CNDP1: variants seen among roughly 807,000 people sequenced by gnomAD.
CNDP1 encodes beta-Ala-His dipeptidase.
A neutral mutation model predicts 58.1 loss-of-function variants in CNDP1; 44 were observed. That is an observed-to-expected ratio of 0.76 (90% CI 0.60 to 0.97). The LOEUF (loss-of-function observed/expected upper bound fraction) is 0.97, where lower values mean the gene tolerates loss of function less well. Ranked by LOEUF, CNDP1 falls within the 50% of genes least tolerant of loss-of-function variation. CNDP1 has a pLI of 0.00. For synonymous variants in CNDP1, 254 were observed against 252.6 expected, an observed-to-expected ratio of 1.01 and a Z score of -0.05; for missense variants, 616 against 655.1, an observed-to-expected ratio of 0.94 and a Z score of 0.65.
intron 9 of CNDP1, among the ~76,000 whole-genome samples, chr18:74,579,178 C>CT (rs1981712704): frequency 3.6e-5 from 5 of 139,692 alleles, no homozygotes; most frequent in Middle Eastern, 3.6e-3. Context: ...TCCCTTCTCC[C>CT]TTCTCCCTTT....
chr18:74,559,606 T>C, intron 3 of CNDP1, 134 bp downstream of exon 3: 3 of 782,332 alleles, frequency 3.8e-6, no homozygotes, highest in South Asian at 2.0e-5. Flanking sequence ...CCAATGAAGA[T>C]GAAACATTCC....
intron 1 of CNDP1, among the ~76,000 whole-genome samples, chr18:74,543,825 C>A (rs1269858184): frequency 2.0e-5 from 3 of 152,094 alleles, no homozygotes; most frequent in Non-Finnish European, 4.4e-5. Flanking sequence ...TGGCTCACAC[C>A]TGTAATACTA....
chr18:74,549,277 C>A (rs1010740629), intron 1 of CNDP1, among the ~76,000 whole-genome samples: 7 of 152,160 alleles, frequency 4.6e-5, no homozygotes, highest in Admixed American at 2.0e-4. Context: ...TCCTAGAAAA[C>A]GTAGCATTCC....
rs10685765 is a variant in CNDP1, at chr18:74,535,580, C to CTTTTTT, written c.24+898_24+903dup. 6.6e-5 allele frequency among the ~76,000 whole-genome samples: 7 copies of CTTTTTT among 106,394 alleles called. 1 individual carries two copies. Among genetic ancestry groups the CTTTTTT allele is most frequent in the Non-Finnish European group, 1.1e-4 (6 of 54,934 alleles). 69.8% of individuals were successfully genotyped at this position (106,394 alleles called of 152,430 possible). A position where few individuals can be genotyped will look rare whatever the true frequency, so the allele number is the denominator to read the frequency against. On this transcript the variant is annotated intron_variant, in intron 1 of 11. Transcript: ENST00000358821. ...GTCTGGCCATGCTTTCCATTGCTGA[C>CTTTTTT]TTTTTTTTTTTTTTAAAGAACCCAT...
At chr18:74,541,254 G>A (rs1419467497) in intron 1 of CNDP1, among the ~76,000 whole-genome samples, 2 of 152,232 alleles carry the variant, frequency 1.3e-5, no homozygotes, top group Non-Finnish European at 2.9e-5. Flanking sequence ...GCACCGTTTA[G>A]CTGCCACAGG....
Position 74,562,116 on chromosome 18 carries a change from C to T in CNDP1, c.536C>T (p.Ala179Val), listed in dbSNP as rs1599095082. 2 of 1,614,056 alleles carry T rather than the reference C, an allele frequency of 1.2e-6. No individual in the cohort carries two copies. Among genetic ancestry groups the T allele is most frequent in the Non-Finnish European group, 1.7e-6 (2 of 1,179,956 alleles). ...PVLAWINAVS[A>V]FRALEQDLPV... ...TTGGCTTGGATCAATGCTGTGAGCG[C>T]CTTCAGAGCCCTGGAGCAAGTAGGT... Residue 179 changes from alanine (A) to valine (V), a missense_variant, in exon 5 of 12, where the codon GCC (alanine) becomes GTC (valine). Transcript: ENST00000358821.
chr18:74,566,376 TAGTC>T (rs924788046), intron 5 of CNDP1, among the ~76,000 whole-genome samples: 11 of 152,222 alleles, frequency 7.2e-5, no homozygotes, highest in Admixed American at 1.3e-4. Context: ...TTCTATCACA[TAGTC>T]AGGCTGCAAA....
Position 74,545,889 on chromosome 18 carries a change from G to A in CNDP1, c.25-10449G>A, listed in dbSNP as rs1173834421. Among the ~76,000 whole-genome samples, 1 of 152,152 alleles carries A rather than the reference G, an allele frequency of 6.6e-6. No individual in the cohort carries two copies. On this transcript the variant is annotated intron_variant, in intron 1 of 11. Transcript: ENST00000358821. This position sits in a 1 kb window ranked among gnomAD's most constrained non-coding sequence, Gnocchi z 4.1. ...GGTTTTGGCTCCAGCGTCAGGCACA[G>A]CCTCATGGATCCCTTAGGATTTACA...
At chr18:74,559,291 A>G (rs778015497) in intron 2 of CNDP1, 32 bp from the exon 3 acceptor site, 3 of 1,613,262 alleles carry the variant, frequency 1.9e-6, no homozygotes, top group Non-Finnish European at 1.7e-6. Flanking sequence ...GTGGGACCCC[A>G]ATGCTAATGG....
rs773330106 is a variant in CNDP1, at chr18:74,577,203, AC to A, written c.1002+176del. 788 of 522,732 alleles carry A rather than the reference AC, an allele frequency of 1.5e-3. 1 individual carries two copies. The highest frequency in any genetic ancestry group is 1.4e-3 in the Non-Finnish European group (426 of 314,546). 32.4% of individuals were successfully genotyped at this position (522,732 alleles called of 1,614,324 possible). A position where few individuals can be genotyped will look rare whatever the true frequency, so the allele number is the denominator to read the frequency against. ...AGCCACTTCCCCGTGGGCTGGATCA[AC>A]CAGTCCTTTTTCAATGGCGTCTAAT... On this transcript the variant is annotated intron_variant, in intron 8 of 11. Coordinates refer to ENST00000358821, the MANE Select transcript of CNDP1 (RefSeq NM_032649.6).
chr18:74,554,683 G>A (rs1313305605), intron 1 of CNDP1, among the ~76,000 whole-genome samples: 1 of 152,172 alleles, frequency 6.6e-6, no homozygotes, highest in Non-Finnish European at 1.5e-5. Flanking sequence ...AACAAGGGAG[G>A]AGGTCTGGTG....
chr18:74,553,431 C>A (rs1980958719), intron 1 of CNDP1, among the ~76,000 whole-genome samples: 1 of 151,916 alleles, frequency 6.6e-6, no homozygotes, highest in Non-Finnish European at 1.5e-5. Context: ...TGGGTTAGTT[C>A]TTATATATGG....
intron 2 of CNDP1, among the ~76,000 whole-genome samples, chr18:74,557,847 A>T (rs1981081956): frequency 6.6e-6 from 1 of 152,174 alleles, no homozygotes; most frequent in African/African-American, 2.4e-5. Context: ...CCTAAATCTG[A>T]CCTTCATGCA....
intron 1 of CNDP1, among the ~76,000 whole-genome samples, chr18:74,552,982 G>T (rs1187938074): frequency 2.0e-5 from 3 of 152,186 alleles, no homozygotes. Flanking sequence ...ATCATAGAGG[G>T]TAGGAAGTTG....
chr18:74,541,479 C>T (rs1051641384), intron 1 of CNDP1, among the ~76,000 whole-genome samples: 21 of 152,298 alleles, frequency 1.4e-4, no homozygotes, highest in African/African-American at 5.1e-4. Context: ...TGAGAGCCAG[C>T]TCCTGGAGGA....
At chr18:74,543,198 A>G (rs1312844958) in intron 1 of CNDP1, among the ~76,000 whole-genome samples, 2 of 152,208 alleles carry the variant, frequency 1.3e-5, no homozygotes, top group Non-Finnish European at 2.9e-5. Flanking sequence ...ATGAATCAGG[A>G]GCAGACAGGG....
At chr18:74,569,359 A>T (rs1439086092) in intron 6 of CNDP1, among the ~76,000 whole-genome samples, 3 of 152,148 alleles carry the variant, frequency 2.0e-5, no homozygotes, top group African/African-American at 7.2e-5. Flanking sequence ...AACCTGTAGA[A>T]ATTGGTAATT....
chr18:74,571,119 T>C (rs977556025), intron 6 of CNDP1, 67 bp from the exon 7 acceptor site: 19 of 1,011,002 alleles, frequency 1.9e-5, no homozygotes, highest in Admixed American at 1.4e-4. Flanking sequence ...TATTTCACCA[T>C]GTGAAATGCT....
At chr18:74,583,734 C>A in intron 11 of CNDP1, 26 bp downstream of exon 11, 1 of 1,612,476 alleles carries the variant, frequency 6.2e-7, no homozygotes, top group Non-Finnish European at 8.5e-7. Flanking sequence ...TGCAATGTGC[C>A]TCTCTCTTCT....
Sources: allele counts gnomAD v4.1 joint callset (sites outside exome capture counted in the v4.1 genomes callset), GRCh38; gene constraint gnomAD v4.1.1; non-coding constraint Gnocchi (gnomAD v3.1); transcripts MANE v1.5; gene names NCBI Gene and HGNC (gene_info 2026-07-23, HGNC 2026-07-21).